NFKBIB: variants seen among roughly 807,000 people sequenced by gnomAD.
The protein encoded by NFKBIB is NFKB inhibitor beta, also known as NF-kappa-B inhibitor beta.
A neutral mutation model predicts 32.1 loss-of-function variants in NFKBIB; 16 were observed. That is an observed-to-expected ratio of 0.50 (90% CI 0.34 to 0.76). The LOEUF (loss-of-function observed/expected upper bound fraction) is 0.76, where lower values mean the gene tolerates loss of function less well. NFKBIB is among the 30% of genes least tolerant of loss of function. The pLI is 0.01. For synonymous variants in NFKBIB, 222 were observed against 219.5 expected (o/e 1.01, Z -0.10); for missense variants, 437 against 514.9 (o/e 0.85, Z 1.46).
In NFKBIB at chr19:38,905,090, G is replaced by A. The variant is rs1412796969; in HGVS notation, c.255G>A (p.Glu85=). 1 of 1,614,226 alleles carries A rather than the reference G, an allele frequency of 6.2e-7. No individual in the cohort carries two copies. ...TTCTAGGCTTCTCGGCCGGCACTGA[G>A]TACATGGACCTGCAGAATGACCTAG... ...DFLLGFSAGT[E]YMDLQNDLGQ... is the part of the protein sequence containing the mutation. Residue 85 remains glutamate (E), a synonymous_variant, in exon 2 of 6, where the codon GAG becomes GAA. Transcript: ENST00000313582. The surrounding 1 kb of genome is among the most constrained non-coding windows in gnomAD (Gnocchi z 5.5).
At chr19:38,902,045 T>C (rs1233339184) in intron 1 of NFKBIB, among the ~76,000 whole-genome samples, 3 of 151,646 alleles carry the variant, frequency 2.0e-5, no homozygotes, top group Non-Finnish European at 2.9e-5. Flanking sequence ...TACTTTTTTT[T>C]CAATCCTGCT....
chr19:38,907,879 A>G, intron 5 of NFKBIB: 1 of 1,391,710 alleles, frequency 7.2e-7, no homozygotes, highest in Non-Finnish European at 9.3e-7. Flanking sequence ...TGGCAAAGGT[A>G]GAACTCAGGC....
chr19:38,900,104 G>A lies in NFKBIB; in HGVS notation c.72G>A (p.Leu24=). The A allele has an allele frequency of 6.4e-7, 1 of 1,567,500 alleles. No homozygotes were observed. The highest frequency in any genetic ancestry group is 8.6e-7 in the Non-Finnish European group (1 of 1,161,840). ...GGTGCGACAGCGGCCTGGGCTCCCT[G>A]GGTCCGGACGCAGCGGCCCCCGGAG... ...DEWCDSGLGS[L]GPDAAAPGGP... The change falls in exon 1 of 6, where the codon CTG becomes CTA. Residue 24 remains leucine, a synonymous_variant. Transcript: ENST00000313582.
intron 1 of NFKBIB, among the ~76,000 whole-genome samples, chr19:38,902,350 G>A (rs1035549399): frequency 3.3e-5 from 5 of 151,890 alleles, no homozygotes; most frequent in South Asian, 2.1e-4. Flanking sequence ...GATTACAGGC[G>A]TGAGCCACCG....
At position 38,905,237 on chromosome 19, in the gene NFKBIB, A is replaced by G; in HGVS notation, c.321A>G (p.Thr107=). Residue 107 remains threonine, a synonymous_variant, in exon 3 of 6, where the codon ACA becomes ACG. Coordinates refer to ENST00000313582, the MANE Select transcript of NFKBIB (RefSeq NM_002503.5). The surrounding 1 kb of genome is among the most constrained non-coding windows in gnomAD (Gnocchi z 5.5). Reference sequence around the variant, plus strand: ...ACCTGGCAGCCATCCTGGGGGAGACATCCACGGTGGAGAAGCTGTACGCAG... The same window carrying G: ...ACCTGGCAGCCATCCTGGGGGAGACGTCCACGGTGGAGAAGCTGTACGCAG... ...ALHLAAILGE[T]STVEKLYAAG... is the part of the protein sequence containing the mutation. The G allele has an allele frequency of 6.3e-7, 1 of 1,589,914 alleles. No individual in the cohort carries two copies. Among genetic ancestry groups the G allele is most frequent in the Non-Finnish European group, 8.6e-7 (1 of 1,168,098 alleles).
chr19:38,906,619 G>A (rs1019604939), intron 3 of NFKBIB, among the ~76,000 whole-genome samples: 5 of 151,736 alleles, frequency 3.3e-5, no homozygotes, highest in East Asian at 1.9e-4. Flanking sequence ...ACAGGCGCCC[G>A]CCACCATGCC....
upstream of NFKBIB, chr19:38,899,766 A>G (rs1973874960): frequency 1.5e-6 from 1 of 688,358 alleles, no homozygotes; most frequent in Admixed American, 2.5e-5. Context: ...GGACCGGACT[A>G]CGAGTCCCAG....
rs1384004536 is a variant in NFKBIB, at chr19:38,907,184, T to C, written c.620-37T>C. Reference sequence around the variant, plus strand: ...AAGCACGGTGGGGTGGGGGGGGCCCTCACCTCATCATCTGACGCCAATCAC... The same window carrying C: ...AAGCACGGTGGGGTGGGGGGGGCCCCCACCTCATCATCTGACGCCAATCAC... On this transcript the variant is annotated intron_variant, in intron 3 of 5. Transcript: ENST00000313582. 4 of 1,558,478 alleles carry C rather than the reference T, an allele frequency of 2.6e-6. No individual in the cohort carries two copies. The African/African-American group carries it at 5.4e-5, about 21-fold the overall frequency.
At chr19:38,906,605 G>A (rs557237279) in intron 3 of NFKBIB, among the ~76,000 whole-genome samples, 35 of 151,624 alleles carry the variant, frequency 2.3e-4, no homozygotes, top group African/African-American at 5.8e-4. Flanking sequence ...GAGTAGCTGG[G>A]ACTACAGGCG....
In NFKBIB at chr19:38,900,105, G is replaced by A; in HGVS notation, c.73G>A (p.Gly25Ser). 1 of 1,571,142 alleles carries A rather than the reference G, an allele frequency of 6.4e-7. No individual in the cohort carries two copies. The highest frequency in any genetic ancestry group is 8.6e-7 in the Non-Finnish European group (1 of 1,163,460). ...GTGCGACAGCGGCCTGGGCTCCCTG[G>A]GTCCGGACGCAGCGGCCCCCGGAGG... The part of the protein sequence containing the change: ...EWCDSGLGSL[G>S]PDAAAPGGPG... Residue 25 changes from glycine (G) to serine (S), a missense_variant, in exon 1 of 6, where the codon GGT (glycine) becomes AGT (serine). Gly to Ser is a moderately conservative substitution (Grantham distance 56, BLOSUM62 0). Coordinates refer to ENST00000313582, the MANE Select transcript of NFKBIB (RefSeq NM_002503.5).
intron 1 of NFKBIB, among the ~76,000 whole-genome samples, chr19:38,902,362 G>A (rs578007700): frequency 2.0e-5 from 3 of 151,992 alleles, no homozygotes; most frequent in South Asian, 2.1e-4. Flanking sequence ...GAGCCACCGC[G>A]CCCGGCCTCA....
At chr19:38,906,995 G>A (rs1186975394) in intron 3 of NFKBIB, among the ~76,000 whole-genome samples, 1 of 152,118 alleles carries the variant, frequency 6.6e-6, no homozygotes, top group Non-Finnish European at 1.5e-5. Flanking sequence ...GTTTACCCGC[G>A]GGCCCCAGGC....
chr19:38,905,845 C>A lies in NFKBIB; in HGVS notation c.619+310C>A, dbSNP rs1407960700. Among the ~76,000 whole-genome samples, 1 of 152,132 alleles carries A rather than the reference C, an allele frequency of 6.6e-6. No homozygotes were observed. Among genetic ancestry groups the A allele is most frequent in the African/African-American group, 2.4e-5 (1 of 41,410 alleles). On this transcript the variant is annotated intron_variant, in intron 3 of 5. Transcript: ENST00000313582. This position sits in a 1 kb window ranked among gnomAD's most constrained non-coding sequence, Gnocchi z 5.5. ...CCACCTGCAGAGTGTATTGCAGACC[C>A]CTACCCTACCCAGGACCGGGGAATG...
intron 3 of NFKBIB, among the ~76,000 whole-genome samples, chr19:38,906,552 C>G (rs1974128082): frequency 6.8e-6 from 1 of 146,406 alleles, no homozygotes; most frequent in Non-Finnish European, 1.5e-5. Flanking sequence ...TCACTGCAAG[C>G]TCCGCCTCCT....
intron 1 of NFKBIB, 37 bp from the exon 2 acceptor site, chr19:38,904,978 T>C: frequency 6.3e-7 from 1 of 1,591,726 alleles, no homozygotes; most frequent in Non-Finnish European, 8.6e-7. Context: ...GCAAGAGGAC[T>C]TGAACTTTGC....
intron 1 of NFKBIB, among the ~76,000 whole-genome samples, chr19:38,901,666 A>AT (rs1377466682): frequency 6.6e-6 from 1 of 151,844 alleles, no homozygotes; most frequent in Non-Finnish European, 1.5e-5. Flanking sequence ...TAATTTTTGT[A>AT]TTTTTAGTAG....
At position 38,903,973 on chromosome 19, in the gene NFKBIB, G is replaced by A. The variant is rs917455736; in HGVS notation, c.180-1042G>A. Reference sequence around the variant, plus strand: ...TGGTTCCGGCTACTCGGGAGGCTGAGGCAGAAGAATCGCTTGAACCCAGGA... The same window carrying A: ...TGGTTCCGGCTACTCGGGAGGCTGAAGCAGAAGAATCGCTTGAACCCAGGA... On this transcript the variant is annotated intron_variant, in intron 1 of 5. Coordinates refer to ENST00000313582, the MANE Select transcript of NFKBIB (RefSeq NM_002503.5). Among the ~76,000 whole-genome samples, 11 of 152,188 alleles carry A rather than the reference G, an allele frequency of 7.2e-5. No individual in the cohort carries two copies. The East Asian group carries it at 9.7e-4, about 13-fold the overall frequency.
chr19:38,908,533 C>T (rs1974222281), intron 5 of NFKBIB, 198 bp from the exon 6 acceptor site: 3 of 1,208,700 alleles, frequency 2.5e-6, no homozygotes, highest in African/African-American at 3.4e-5. Flanking sequence ...AGCGAGACTC[C>T]ATCTTAAAAA....
intron 5 of NFKBIB, 94 bp downstream of exon 5, chr19:38,907,753 G>T: frequency 6.8e-7 from 1 of 1,463,226 alleles, no homozygotes; most frequent in Admixed American, 2.5e-5. Flanking sequence ...ACCGACCTTG[G>T]GCTGCTGTTA....
Sources: allele counts gnomAD v4.1 joint callset (sites outside exome capture counted in the v4.1 genomes callset), GRCh38; gene constraint gnomAD v4.1.1; non-coding constraint Gnocchi (gnomAD v3.1); transcripts MANE v1.5; gene names NCBI Gene and HGNC (gene_info 2026-07-23, HGNC 2026-07-21).